Variants in TRMT2B observed in about 807,000 individuals in gnomAD.
TRMT2B encodes the protein tRNA methyltransferase 2B.
TRMT2B carries 34 observed loss-of-function variants against 39.7 expected under a neutral mutation model. That is an observed-to-expected ratio of 0.86 (90% CI 0.65 to 1.14). The LOEUF is 1.14. TRMT2B is among the 50% of genes most tolerant of loss of function. The pLI, the probability that TRMT2B is intolerant of heterozygous loss-of-function variation, is 0.00. For synonymous variants in TRMT2B, 132 were observed against 137.3 expected (o/e 0.96, Z 0.27); for missense variants, 318 against 377.2 (o/e 0.84, Z 1.30).
the TRMT2B span, among the ~76,000 whole-genome samples, chrX:100,997,122 A>G: frequency 3.6e-5 from 4 of 111,493 alleles, no homozygotes; most frequent in Non-Finnish European, 7.5e-5. Context: ...CATCTAGCAC[A>G]TATCTGGGTA....
chrX:100,984,310 T>G, the TRMT2B span, among the ~76,000 whole-genome samples: 5 of 109,801 alleles, frequency 4.6e-5, no homozygotes, highest in Non-Finnish European at 9.5e-5. Context: ...TTTCTTTTTT[T>G]GTATTTTTAG....
the TRMT2B span, among the ~76,000 whole-genome samples, chrX:100,979,285 C>T: frequency 8.9e-6 from 1 of 111,994 alleles, no homozygotes; most frequent in East Asian, 2.8e-4. Context: ...TTGAAGTACT[C>T]CCTTTGGCAT....
intron 13 of TRMT2B, 26 bp from the exon 14 acceptor site, chrX:101,010,733 T>C (rs1427431871): frequency 8.4e-7 from 1 of 1,194,946 alleles, no homozygotes; most frequent in Non-Finnish European, 1.1e-6. Flanking sequence ...ATAGCATCAG[T>C]TCCCAGGAAT....
At chrX:101,007,698 C>T (rs1489418589), downstream of TRMT2B, among the ~76,000 whole-genome samples, 1 of 111,274 alleles carries the variant, frequency 9.0e-6, no homozygotes, top group Admixed American at 9.6e-5. Context: ...CAACAGGAAG[C>T]CAATGACAGA....
chrX:101,039,214 C>T (rs990712932), intron 4 of TRMT2B, among the ~76,000 whole-genome samples: 1 of 110,260 alleles, frequency 9.1e-6, no homozygotes, highest in Admixed American at 9.8e-5. Context: ...GGATTACAGG[C>T]GCATGCCACC....
rs770702192 is a variant in TRMT2B at position 101,041,298 on chromosome X, A to T, written c.303+19T>A. The T allele has an allele frequency of 8.3e-7, 1 of 1,204,016 alleles. No individual in the cohort carries two copies. The highest frequency in any genetic ancestry group is 3.0e-5 in the East Asian group (1 of 33,775). On this transcript the variant is annotated intron_variant, in intron 4 of 13. Coordinates refer to ENST00000372936, the MANE Select transcript of TRMT2B (RefSeq NM_024917.6). ...ATTCTCCTGGAAAGGAGGGGTAAAG[A>T]CTTAGGCTGGGCACCTACCTTGAGC...
chrX:101,037,840 G>A, intron 5 of TRMT2B, 77 bp downstream of exon 5: 3 of 1,044,827 alleles, frequency 2.9e-6, no homozygotes, highest in Admixed American at 5.4e-5. Flanking sequence ...TCCCTAGCAA[G>A]TACCCAGTAA....
At chrX:101,045,072 C>G (rs934562490) in intron 2 of TRMT2B, among the ~76,000 whole-genome samples, 4 of 107,325 alleles carry the variant, frequency 3.7e-5, no homozygotes, top group Admixed American at 1.0e-4. Context: ...TCTGTAATCC[C>G]AGCACTTTGA....
chrX:101,035,072 C>G (rs745320316), intron 7 of TRMT2B, among the ~76,000 whole-genome samples: 1 of 111,107 alleles, frequency 9.0e-6, no homozygotes, highest in Admixed American at 9.7e-5. Flanking sequence ...AGGTCAGGCA[C>G]GGTAGCTCAT....
the TRMT2B span, among the ~76,000 whole-genome samples, chrX:100,993,768 GA>G: frequency 9.0e-6 from 1 of 111,238 alleles, no homozygotes; most frequent in East Asian, 2.8e-4. Flanking sequence ...GTCATGTAAA[GA>G]AAAAAAATCT....
intron 4 of TRMT2B, among the ~76,000 whole-genome samples, chrX:101,040,607 A>C (rs758198766): frequency 2.3e-4 from 26 of 112,031 alleles, no homozygotes; most frequent in African/African-American, 8.4e-4. Flanking sequence ...TAGTTAGAAC[A>C]AATTTCTCTT....
At chrX:100,991,456 G>A in the TRMT2B span, among the ~76,000 whole-genome samples, 2 of 110,975 alleles carry the variant, frequency 1.8e-5, no homozygotes, top group Non-Finnish European at 3.8e-5. Flanking sequence ...TCGACTCACT[G>A]CAAGCTCCAC....
Position 101,019,280 on chromosome X carries a change from T to A in TRMT2B, c.1288+4A>T. On this transcript the variant is annotated splice_donor_region_variant and intron_variant, in intron 12 of 13. Coordinates refer to ENST00000372936, the MANE Select transcript of TRMT2B (RefSeq NM_024917.6). ...GGAACATCAAAATAGCTGTTCATCC[T>A]TACGCAGTCCGGCACGGGCTGGGTT... 1 of 1,211,607 alleles carries A rather than the reference T, an allele frequency of 8.3e-7. No individual in the cohort carries two copies. The highest frequency in any genetic ancestry group is 1.1e-6 in the Non-Finnish European group (1 of 895,489).
the TRMT2B span, among the ~76,000 whole-genome samples, chrX:100,986,080 G>T: frequency 9.0e-6 from 1 of 111,274 alleles, no homozygotes; most frequent in African/African-American, 3.3e-5. Context: ...GTTCTCAAGA[G>T]CTACTTTCTA....
chrX:101,017,298 CCTT>C (rs1415370685), intron 13 of TRMT2B, among the ~76,000 whole-genome samples: 3 of 111,592 alleles, frequency 2.7e-5, no homozygotes, highest in Non-Finnish European at 5.6e-5. Flanking sequence ...TCCAATAACA[CCTT>C]CTCGCTTTCT....
intron 2 of TRMT2B, among the ~76,000 whole-genome samples, chrX:101,044,249 G>GAAAAAAA (rs35472826): frequency 2.3e-5 from 1 of 43,559 alleles, no homozygotes; most frequent in Non-Finnish European, 4.3e-5. Flanking sequence ...CTCAAAAAGA[G>GAAAAAAA]AAAAAAAAAA....
the TRMT2B span, among the ~76,000 whole-genome samples, chrX:100,980,771 G>A: frequency 1.8e-5 from 2 of 111,352 alleles, no homozygotes; most frequent in Admixed American, 1.9e-4. Flanking sequence ...TGCTTGGGAT[G>A]TTTACTAAAG....
At chrX:101,003,955 T>G in the TRMT2B span, among the ~76,000 whole-genome samples, 1 of 109,896 alleles carries the variant, frequency 9.1e-6, no homozygotes, top group Non-Finnish European at 1.9e-5. Context: ...CTCAGCCTCC[T>G]AAGTACCTGG....
At chrX:100,996,579 C>T in the TRMT2B span, among the ~76,000 whole-genome samples, 3 of 111,780 alleles carry the variant, frequency 2.7e-5, no homozygotes, top group African/African-American at 9.8e-5. Flanking sequence ...CCTCTTCCTC[C>T]CCTCGCCCCC....
Sources: gnomAD v4.1 joint callset for allele counts (sites outside exome capture counted in the v4.1 genomes callset) on GRCh38, gnomAD v4.1.1 for gene constraint, MANE v1.5 for transcripts, NCBI Gene and HGNC (gene_info 2026-07-23, HGNC 2026-07-21) for gene names.